Variants in UGCG observed in about 807,000 individuals in gnomAD.
UGCG encodes UDP-glucose ceramide glucosyltransferase, also known as ceramide glucosyltransferase.
In UGCG, 10 loss-of-function variants were observed where a neutral mutation model predicts 49.5. That is an observed-to-expected ratio of 0.20 (90% CI 0.12 to 0.34). The LOEUF is 0.34. Ranked by LOEUF, UGCG falls within the 10% of genes least tolerant of loss-of-function variation. The probability of loss-of-function intolerance (pLI) is 1.00; values close to 1 mark genes in which losing one functional copy is unlikely to be tolerated. For synonymous variants in UGCG, 182 were observed against 158.2 expected, an observed-to-expected ratio of 1.15 and a Z score of -1.13; for missense variants, 312 against 483.7, an observed-to-expected ratio of 0.65 and a Z score of 3.33.
chr9:111,931,263 A>G lies in UGCG; in HGVS notation c.738-8A>G. The G allele has an allele frequency of 6.2e-7, 1 of 1,613,014 alleles. No homozygotes were observed. Among genetic ancestry groups the G allele is most frequent in the Non-Finnish European group, 8.5e-7 (1 of 1,179,552 alleles). On this transcript the variant is annotated splice_polypyrimidine_tract_variant and splice_region_variant and intron_variant, in intron 6 of 8. Coordinates refer to ENST00000374279, the MANE Select transcript of UGCG (RefSeq NM_003358.3). ...CATAACTTATTTTCTAATTATCTTAATTTTCAGAGGTTGGAGGTTTGCAAT... is the reference window on the plus strand; with the variant it reads ...CATAACTTATTTTCTAATTATCTTAGTTTTCAGAGGTTGGAGGTTTGCAAT...
intron 7 of UGCG, 93 bp from the exon 8 acceptor site, chr9:111,932,077 A>T (rs930166746): frequency 7.6e-7 from 1 of 1,320,244 alleles, no homozygotes; most frequent in Non-Finnish European, 1.0e-6. Flanking sequence ...TTTCTATCAC[A>T]GGGTAAAAAA....
At chr9:111,922,185 A>C (rs1838239908) in intron 2 of UGCG, among the ~76,000 whole-genome samples, 1 of 152,148 alleles carries the variant, frequency 6.6e-6, no homozygotes, top group Non-Finnish European at 1.5e-5. Flanking sequence ...AAATCTAAAC[A>C]TAGCACTGGG....
intron 7 of UGCG, 133 bp from the exon 8 acceptor site, chr9:111,932,037 C>A (rs72757817): frequency 0.081 from 71,600 of 879,672 alleles, 1,895 homozygotes; most frequent in African/African-American, 0.14. Flanking sequence ...AAAAAAAAAA[C>A]AAAACAAAAA....
At chr9:111,916,370 A>C (rs1317946455) in intron 2 of UGCG, among the ~76,000 whole-genome samples, 1 of 152,208 alleles carries the variant, frequency 6.6e-6, no homozygotes, top group Non-Finnish European at 1.5e-5. Flanking sequence ...AAAATTGGTC[A>C]TGGAATTTTT....
chr9:111,917,570 A>T (rs939969391), intron 2 of UGCG, among the ~76,000 whole-genome samples: 1 of 152,206 alleles, frequency 6.6e-6, no homozygotes, highest in Non-Finnish European at 1.5e-5. Context: ...TTCGATTGGG[A>T]CTATCATAGG....
chr9:111,916,998 A>C (rs1189134360), intron 2 of UGCG, among the ~76,000 whole-genome samples: 1 of 151,958 alleles, frequency 6.6e-6, no homozygotes, highest in Non-Finnish European at 1.5e-5. Flanking sequence ...TAAAAATTAA[A>C]AAATTGAAAT....
intron 1 of UGCG, among the ~76,000 whole-genome samples, chr9:111,912,838 C>A (rs985583414): frequency 4.6e-5 from 7 of 152,080 alleles, no homozygotes; most frequent in African/African-American, 1.7e-4. Flanking sequence ...TTGATACCAC[C>A]CTGTTCTTTA....
In UGCG at chr9:111,932,885, C is replaced by G. The variant is rs774832531; in HGVS notation, c.1073C>G (p.Ser358Cys). 2 of 1,611,746 alleles carry G rather than the reference C, an allele frequency of 1.2e-6. No individual in the cohort carries two copies. ...DYAVAWFIRE[S>C]MTIYIFLSAL... ...GCAGTCGCCTGGTTCATCCGCGAAT[C>G]CATGACAATATACATTTTTTTGTCT... The change falls in exon 9 of 9, where the codon TCC becomes TGC. Residue 358 changes from serine to cysteine, a missense_variant. This residue lies in a region of UGCG where 180 missense variants were observed against 320.4 expected (regional missense o/e 0.56). Coordinates refer to ENST00000374279, the MANE Select transcript of UGCG (RefSeq NM_003358.3).
At chr9:111,909,267 C>A (rs537931420) in intron 1 of UGCG, among the ~76,000 whole-genome samples, 3 of 152,118 alleles carry the variant, frequency 2.0e-5, no homozygotes, top group South Asian at 4.1e-4. Context: ...TTGAAAAAAA[C>A]CACTGGGATT....
rs1012916874 is a variant in UGCG, at chr9:111,935,212, T to C, written c.*2215T>C. Reference sequence around the variant, plus strand: ...GTGATGATAAAATGGTAAGAAATAATATAAATGTTGAAGAAAGCATCACAA... The same window carrying C: ...GTGATGATAAAATGGTAAGAAATAACATAAATGTTGAAGAAAGCATCACAA... On this transcript the variant is annotated 3_prime_UTR_variant, in exon 9 of 9. Coordinates refer to ENST00000374279, the MANE Select transcript of UGCG (RefSeq NM_003358.3). 3.3e-5 allele frequency: 5 copies of C among 152,122 alleles called. No individual in the cohort carries two copies. Among genetic ancestry groups the C allele is most frequent in the African/African-American group, 1.2e-4 (5 of 41,418 alleles). 9.4% of individuals were successfully genotyped at this position (152,122 alleles called of 1,614,324 possible). A position where few individuals can be genotyped will look rare whatever the true frequency, so the allele number is the denominator to read the frequency against.
chr9:111,907,885 T>TC lies in UGCG; in HGVS notation c.99-6717dup, dbSNP rs1347390230. On this transcript the variant is annotated intron_variant, in intron 1 of 8. Coordinates refer to ENST00000374279, the MANE Select transcript of UGCG (RefSeq NM_003358.3). ...CTCAAATTATCCTCCCGCCTTGGCC[T>TC]CCCAAAGTGCTGGGATTACAGGCGT... Among the ~76,000 whole-genome samples, 8 of 152,312 alleles carry TC rather than the reference T, an allele frequency of 5.3e-5. No individual in the cohort carries two copies. In the South Asian group the frequency reaches 1.4e-3, roughly 28 times the overall value.
intron 1 of UGCG, among the ~76,000 whole-genome samples, chr9:111,908,589 C>A (rs942193368): frequency 1.3e-5 from 2 of 152,164 alleles, no homozygotes; most frequent in African/African-American, 2.4e-5. Flanking sequence ...AAGTACCCCC[C>A]ACACCACTTC....
intron 1 of UGCG, among the ~76,000 whole-genome samples, chr9:111,907,711 G>A (rs952142189): frequency 3.5e-4 from 53 of 149,978 alleles, no homozygotes; most frequent in Middle Eastern, 3.2e-3. Context: ...TGCAACCTCC[G>A]CCTCCCGGAT....
intron 1 of UGCG, among the ~76,000 whole-genome samples, chr9:111,910,108 G>A (rs1190502797): frequency 1.3e-5 from 2 of 152,206 alleles, no homozygotes; most frequent in African/African-American, 4.8e-5. Context: ...CTTCAAAGGA[G>A]GAGGTGTATC....
At chr9:111,916,608 T>C (rs1050969134) in intron 2 of UGCG, among the ~76,000 whole-genome samples, 1 of 151,918 alleles carries the variant, frequency 6.6e-6, no homozygotes, top group African/African-American at 2.4e-5. Flanking sequence ...TAGCTGGGAC[T>C]ATGGGCATGT....
chr9:111,909,690 G>A (rs1837960349), intron 1 of UGCG, among the ~76,000 whole-genome samples: 1 of 152,274 alleles, frequency 6.6e-6, no homozygotes, highest in African/African-American at 2.4e-5. Flanking sequence ...GAGTACCACT[G>A]TGTGCTGAGC....
chr9:111,929,461 T>C (rs756841378), intron 5 of UGCG, 39 bp from the exon 6 acceptor site: 2 of 1,574,648 alleles, frequency 1.3e-6, no homozygotes, highest in African/African-American at 2.7e-5. Flanking sequence ...GCTTTTAACA[T>C]GAAATTCTAA....
chr9:111,920,705 A>T (rs1838205639), intron 2 of UGCG, among the ~76,000 whole-genome samples: 1 of 152,110 alleles, frequency 6.6e-6, no homozygotes, highest in South Asian at 2.1e-4. Context: ...GATTATAGGT[A>T]GTGGGCAAAC....
intron 1 of UGCG, among the ~76,000 whole-genome samples, chr9:111,907,458 G>A (rs544527492): frequency 6.6e-5 from 10 of 152,192 alleles, no homozygotes; most frequent in East Asian, 3.9e-4. Context: ...TTTGAATCCC[G>A]GTGGGGTTTT....
Sources: gnomAD v4.1 joint callset for allele counts (sites outside exome capture counted in the v4.1 genomes callset) on GRCh38, gnomAD v4.1.1 for gene constraint, gnomAD v4.1.1 regional missense constraint, MANE v1.5 for transcripts, NCBI Gene and HGNC (gene_info 2026-07-23, HGNC 2026-07-21) for gene names.